CDON: variants seen among roughly 807,000 people sequenced by gnomAD.
CDON encodes cell adhesion molecule-related/down-regulated by oncogenes.
In CDON, 73 loss-of-function variants were observed where a neutral mutation model predicts 120.9. That is an observed-to-expected ratio of 0.60 (90% CI 0.50 to 0.73). The LOEUF is 0.73. CDON is among the 30% of genes least tolerant of loss of function. CDON has a pLI of 0.00. For missense variants in CDON, 1,470 were observed against 1,587.3 expected (o/e 0.93, Z 1.26); for synonymous variants, 566 against 573.5 (o/e 0.99, Z 0.19).
chr11:125,975,308 T>C (rs746830410), intron 18 of CDON, among the ~76,000 whole-genome samples: 1 of 152,242 alleles, frequency 6.6e-6, no homozygotes, highest in Non-Finnish European at 1.5e-5. Flanking sequence ...AGAATCACTA[T>C]TGTTAGACTA....
chr11:126,027,594 T>A (rs1276628331), intron 1 of CDON, among the ~76,000 whole-genome samples: 1 of 152,224 alleles, frequency 6.6e-6, no homozygotes, highest in African/African-American at 2.4e-5. Context: ...TGACAAAGTT[T>A]ACCATAACTA....
intron 1 of CDON, among the ~76,000 whole-genome samples, chr11:126,059,264 G>C (rs1463845480): frequency 6.6e-6 from 1 of 152,132 alleles, no homozygotes; most frequent in African/African-American, 2.4e-5. Context: ...CTTGTGCTTC[G>C]GAGGGAAAGC....
chr11:126,024,187 C>T (rs1305881391), intron 1 of CDON, among the ~76,000 whole-genome samples: 1 of 152,204 alleles, frequency 6.6e-6, no homozygotes, highest in Non-Finnish European at 1.5e-5. Context: ...GACCAGATCA[C>T]ATTCAGCTTT....
chr11:126,050,495 AACACACACACACACACAC>A (rs10643446), intron 1 of CDON, among the ~76,000 whole-genome samples: 2 of 143,000 alleles, frequency 1.4e-5, no homozygotes, highest in Non-Finnish European at 3.0e-5. Flanking sequence ...GTAAGTAGCA[AACACACACACACACACAC>A]ACACACACAC....
At chr11:126,052,534 T>G (rs1370157693) in intron 1 of CDON, among the ~76,000 whole-genome samples, 1 of 152,052 alleles carries the variant, frequency 6.6e-6, no homozygotes, top group African/African-American at 2.4e-5. Flanking sequence ...AAATAAAAAA[T>G]AATACAGGCC....
At chr11:126,041,183 C>A (rs1948253013) in intron 1 of CDON, among the ~76,000 whole-genome samples, 3 of 133,804 alleles carry the variant, frequency 2.2e-5, no homozygotes, top group South Asian at 4.7e-4. Context: ...CAGAGTGAGA[C>A]TGTCTAAAAA....
At chr11:126,059,150 A>G (rs1174719618) in intron 1 of CDON, among the ~76,000 whole-genome samples, 2 of 152,256 alleles carry the variant, frequency 1.3e-5, no homozygotes, top group East Asian at 3.8e-4. Flanking sequence ...AGTTATTAAA[A>G]CGATACATCA....
At chr11:126,023,270 A>G (rs1296883333) in intron 2 of CDON, 131 bp downstream of exon 2, 8 of 787,936 alleles carry the variant, frequency 1.0e-5, no homozygotes, top group Non-Finnish European at 1.9e-5. Context: ...TAAATCATGT[A>G]GTTGGTCAAA....
chr11:126,058,964 T>A (rs1296557799), intron 1 of CDON, among the ~76,000 whole-genome samples: 1 of 152,168 alleles, frequency 6.6e-6, no homozygotes, highest in African/African-American at 2.4e-5. Context: ...ATGATACAAT[T>A]CTTAAAAAGA....
intron 1 of CDON, among the ~76,000 whole-genome samples, chr11:126,058,816 G>A (rs766776278): frequency 6.6e-6 from 1 of 152,106 alleles, no homozygotes; most frequent in Non-Finnish European, 1.5e-5. Flanking sequence ...AGGGGAAAAG[G>A]GACTTGGGAA....
At chr11:126,041,549 G>A (rs1016877127) in intron 1 of CDON, among the ~76,000 whole-genome samples, 1 of 152,158 alleles carries the variant, frequency 6.6e-6, no homozygotes, top group Non-Finnish European at 1.5e-5. Flanking sequence ...TCAAAATCAC[G>A]TAATAGCAAA....
Position 125,984,095 on chromosome 11 carries a change from T to C in CDON, c.2774-2A>G. The C allele has an allele frequency of 6.3e-7, 1 of 1,585,834 alleles. No individual in the cohort carries two copies. The highest frequency in any genetic ancestry group is 2.2e-5 in the East Asian group (1 of 44,706). ...CAGAAGCTCCAGGAACACGTTTCAC[T>C]AGTTGAAATATAAAGGAAAACATGA... On this transcript the variant is annotated splice_acceptor_variant, in intron 15 of 19. Transcript: ENST00000531738. LOFTEE classifies it high-confidence loss of function.
At chr11:126,059,358 G>A (rs1565562826) in intron 1 of CDON, among the ~76,000 whole-genome samples, 1 of 152,114 alleles carries the variant, frequency 6.6e-6, no homozygotes, top group African/African-American at 2.4e-5. Context: ...AATAAAGTCC[G>A]GACTAGCAAT....
intron 1 of CDON, among the ~76,000 whole-genome samples, chr11:126,042,785 C>T (rs1488060925): frequency 1.3e-5 from 2 of 151,980 alleles, no homozygotes; most frequent in Non-Finnish European, 2.9e-5. Context: ...CCATGCTCGG[C>T]TTCTTTTTTT....
intron 18 of CDON, among the ~76,000 whole-genome samples, chr11:125,966,453 T>C (rs960521067): frequency 2.0e-5 from 3 of 152,054 alleles, no homozygotes; most frequent in Non-Finnish European, 4.4e-5. Context: ...ATGGAAAATA[T>C]GAAAGCAGCT....
intron 4 of CDON, among the ~76,000 whole-genome samples, chr11:126,019,344 G>A (rs1947564253): frequency 6.6e-6 from 1 of 152,116 alleles, no homozygotes; most frequent in Non-Finnish European, 1.5e-5. Context: ...CGAAATAAAG[G>A]GGCCAGAGAG....
chr11:126,004,358 T>C (rs909416373), intron 9 of CDON: 60 of 441,946 alleles, frequency 1.4e-4, no homozygotes, highest in African/African-American at 1.1e-3. Flanking sequence ...TCTGTTTCCT[T>C]TACTTGTAAT....
chr11:126,057,987 C>A (rs1948717574), intron 1 of CDON, among the ~76,000 whole-genome samples: 1 of 152,118 alleles, frequency 6.6e-6, no homozygotes, highest in Non-Finnish European at 1.5e-5. Flanking sequence ...ACAAAGACCC[C>A]CAAGGCTTAA....
Position 125,973,018 on chromosome 11 carries a change from C to CTTTTTTTTTTTTTTTTTTTT in CDON, c.3356+5266_3356+5285dup, listed in dbSNP as rs35828939. 4.9e-4 allele frequency among the ~76,000 whole-genome samples: 43 copies of CTTTTTTTTTTTTTTTTTTTT among 87,034 alleles called. 5 individuals carry two copies. The highest frequency in any genetic ancestry group is 1.1e-3 in the South Asian group (2 of 1,860). The allele number at this position is 87,034 out of a possible 152,430, so 57.1% of individuals were successfully genotyped here. A position where few individuals can be genotyped will look rare whatever the true frequency, so the allele number is the denominator to read the frequency against. Reference sequence around the variant, plus strand: ...TGGCCTCTTCAACCAATTACTTGGTCTTTTTTTTTTTTTTTTTTTTTTTTA... The same window carrying CTTTTTTTTTTTTTTTTTTTT: ...TGGCCTCTTCAACCAATTACTTGGTCTTTTTTTTTTTTTTTTTTTTTTTTTTTTTTTTTTTTTTTTTTTTA... On this transcript the variant is annotated intron_variant, in intron 18 of 19. Transcript: ENST00000531738.
Sources: allele counts gnomAD v4.1 joint callset (sites outside exome capture counted in the v4.1 genomes callset), GRCh38; gene constraint gnomAD v4.1.1; transcripts MANE v1.5; gene names NCBI Gene and HGNC (gene_info 2026-07-23, HGNC 2026-07-21).